Variants in DNM3 observed in about 807,000 individuals in gnomAD.
DNM3 encodes dynamin-3.
Under a neutral mutation model 101.6 loss-of-function variants are expected in DNM3, and 47 were observed. That is an observed-to-expected ratio of 0.46 (90% confidence interval 0.37 to 0.59). The LOEUF (loss-of-function observed/expected upper bound fraction) is 0.59, where lower values mean the gene tolerates loss of function less well. Among genes scored for constraint, DNM3 ranks in the 20% least tolerant of loss-of-function variants. The pLI is 0.00. For synonymous variants in DNM3, 385 were observed against 387.9 expected, an observed-to-expected ratio of 0.99 and a Z score of 0.09; for missense variants, 849 against 1,085.7, an observed-to-expected ratio of 0.78 and a Z score of 3.06.
At chr1:172,181,807 T>G (rs965063497) in intron 14 of DNM3, among the ~76,000 whole-genome samples, 6 of 152,040 alleles carry the variant, frequency 3.9e-5, no homozygotes, top group Non-Finnish European at 5.9e-5. Flanking sequence ...GACAGGGTTT[T>G]TTTTTTTTTT....
At chr1:172,037,242 G>GT in intron 6 of DNM3, among the ~76,000 whole-genome samples, 1 of 152,270 alleles carries the variant, frequency 6.6e-6, no homozygotes, top group South Asian at 2.1e-4. Flanking sequence ...TGATTCCTCA[G>GT]GGATCTAGAA....
intron 11 of DNM3, among the ~76,000 whole-genome samples, chr1:172,074,710 G>A (rs996444484): frequency 6.6e-6 from 1 of 152,130 alleles, no homozygotes; most frequent in African/African-American, 2.4e-5. Context: ...TTTATCCAGT[G>A]TATCATTGAT....
intron 14 of DNM3, among the ~76,000 whole-genome samples, chr1:172,207,738 T>A (rs1418191539): frequency 6.6e-6 from 1 of 152,146 alleles, no homozygotes; most frequent in African/African-American, 2.4e-5. Context: ...CAGTTGTAAA[T>A]GTCCTTCTCC....
chr1:172,106,577 C>T (rs1459048413), intron 13 of DNM3, among the ~76,000 whole-genome samples: 1 of 151,856 alleles, frequency 6.6e-6, no homozygotes, highest in African/African-American at 2.4e-5. Flanking sequence ...GCACATGTAC[C>T]CCGGAACTTA....
chr1:172,167,262 T>C (rs1216562594), intron 14 of DNM3, among the ~76,000 whole-genome samples: 2 of 152,166 alleles, frequency 1.3e-5, no homozygotes, highest in Non-Finnish European at 2.9e-5. Context: ...TCCTTTTTTA[T>C]GGCTGCATAG....
Position 172,412,556 on chromosome 1 carries a change from T to G in DNM3, c.*4715T>G. On this transcript the variant is annotated 3_prime_UTR_variant, in exon 21 of 21. Coordinates refer to ENST00000627582, the MANE Select transcript of DNM3 (RefSeq NM_015569.5). ...GAGCCGGATACTTTCCACTGTCTTCTTGGCACTTTCAGGATTTCTTAATGC... is the reference window on the plus strand; with the variant it reads ...GAGCCGGATACTTTCCACTGTCTTCGTGGCACTTTCAGGATTTCTTAATGC... 1.0e-6 allele frequency: 1 copy of G among 985,832 alleles called. No homozygotes were observed. Among genetic ancestry groups the G allele is most frequent in the South Asian group, 4.7e-5 (1 of 21,292 alleles). 61.1% of individuals were successfully genotyped at this position (985,832 alleles called of 1,614,324 possible).
chr1:172,062,797 GCTT>G (rs1394523230), intron 10 of DNM3, among the ~76,000 whole-genome samples: 27 of 152,218 alleles, frequency 1.8e-4, no homozygotes, highest in African/African-American at 6.0e-4. Flanking sequence ...TATTAGAATT[GCTT>G]CTTATCTTCA....
In DNM3 at chr1:172,409,395, T is replaced by C; in HGVS notation, c.*1554T>C. 1 of 985,050 alleles carries C rather than the reference T, an allele frequency of 1.0e-6. No homozygotes were observed. Among genetic ancestry groups the C allele is most frequent in the African/African-American group, 1.7e-5 (1 of 57,352 alleles). The allele number at this position is 985,050 out of a possible 1,614,324, so 61.0% of individuals were successfully genotyped here. A position where few individuals can be genotyped will look rare whatever the true frequency, so the allele number is the denominator to read the frequency against. Reference sequence around the variant, plus strand: ...TAAAGTAAAAACTTTTAACCATTATTAAACAGAGAACTTGCCATGTTGAGT... The same window carrying C: ...TAAAGTAAAAACTTTTAACCATTATCAAACAGAGAACTTGCCATGTTGAGT... On this transcript the variant is annotated 3_prime_UTR_variant, in exon 21 of 21. Coordinates refer to ENST00000627582, the MANE Select transcript of DNM3 (RefSeq NM_015569.5).
At chr1:172,247,509 T>C (rs552417125) in intron 14 of DNM3, among the ~76,000 whole-genome samples, 1 of 152,228 alleles carries the variant, frequency 6.6e-6, no homozygotes, top group South Asian at 2.1e-4. Flanking sequence ...TTTCAGAATG[T>C]TAGAGCAAGC....
intron 14 of DNM3, among the ~76,000 whole-genome samples, chr1:172,146,509 A>C (rs1275223868): frequency 1.3e-5 from 2 of 152,122 alleles, no homozygotes; most frequent in African/African-American, 4.8e-5. Flanking sequence ...TTGTGTCTTT[A>C]GGACCTATTC....
chr1:171,964,152 G>A (rs1399651175), intron 2 of DNM3, among the ~76,000 whole-genome samples: 1 of 152,160 alleles, frequency 6.6e-6, no homozygotes, highest in East Asian at 1.9e-4. Flanking sequence ...GCCCTGCAAA[G>A]CTGTCTCCTG....
chr1:172,168,096 C>A (rs1481399184), intron 14 of DNM3, among the ~76,000 whole-genome samples: 2 of 152,024 alleles, frequency 1.3e-5, no homozygotes, highest in Admixed American at 6.6e-5. Flanking sequence ...ATTAGCACAA[C>A]TTTGCCCTAT....
intron 17 of DNM3, among the ~76,000 whole-genome samples, chr1:172,362,593 A>G (rs1300991254): frequency 2.6e-5 from 4 of 151,884 alleles, no homozygotes; most frequent in Non-Finnish European, 4.4e-5. Flanking sequence ...TAAACTTCAT[A>G]TATACACATG....
At chr1:171,921,148 A>G (rs965921666) in intron 1 of DNM3, among the ~76,000 whole-genome samples, 10 of 131,830 alleles carry the variant, frequency 7.6e-5, no homozygotes, top group Admixed American at 3.3e-4. Flanking sequence ...GGTTTTTGCT[A>G]TGTTGTCCAG....
intron 1 of DNM3, among the ~76,000 whole-genome samples, chr1:171,898,602 G>A (rs1055888150): frequency 1.3e-5 from 2 of 151,864 alleles, no homozygotes; most frequent in Non-Finnish European, 2.9e-5. Context: ...CCAGTTACTT[G>A]GAAATTAGCC....
At chr1:172,004,914 A>G (rs1327997146) in intron 4 of DNM3, among the ~76,000 whole-genome samples, 1 of 152,116 alleles carries the variant, frequency 6.6e-6, no homozygotes, top group Non-Finnish European at 1.5e-5. Context: ...AAGAGGAGGA[A>G]GCAGGCAGCA....
chr1:172,149,739 C>T (rs2058057541), intron 14 of DNM3, among the ~76,000 whole-genome samples: 1 of 152,028 alleles, frequency 6.6e-6, no homozygotes, highest in Non-Finnish European at 1.5e-5. Flanking sequence ...TATTTTATTT[C>T]CTTAGTGTGA....
intron 14 of DNM3, among the ~76,000 whole-genome samples, chr1:172,225,483 C>A (rs2061080594): frequency 6.6e-6 from 1 of 152,034 alleles, no homozygotes; most frequent in Non-Finnish European, 1.5e-5. Context: ...TTCCCAGTGT[C>A]AGCACATATG....
intron 4 of DNM3, among the ~76,000 whole-genome samples, chr1:172,000,906 A>G (rs1378284682): frequency 1.3e-5 from 2 of 152,114 alleles, no homozygotes; most frequent in African/African-American, 4.8e-5. Context: ...ATGTTTCTGA[A>G]AGATGGGAGA....
Sources: gnomAD v4.1 joint callset for allele counts (sites outside exome capture counted in the v4.1 genomes callset) on GRCh38, gnomAD v4.1.1 for gene constraint, MANE v1.5 for transcripts, NCBI Gene and HGNC (gene_info 2026-07-23, HGNC 2026-07-21) for gene names.